CBX5: variants seen among roughly 807,000 people sequenced by gnomAD.
CBX5 encodes chromobox protein homolog 5.
CBX5 carries 7 observed loss-of-function variants against 20.7 expected under a neutral mutation model. That is an observed-to-expected ratio of 0.34 (90% CI 0.19 to 0.63). The LOEUF (loss-of-function observed/expected upper bound fraction) is 0.63, where lower values mean the gene tolerates loss of function less well. Ranked by LOEUF, CBX5 falls within the 30% of genes least tolerant of loss-of-function variation. The probability of loss-of-function intolerance (pLI) is 0.75; values close to 1 mark genes in which losing one functional copy is unlikely to be tolerated. For synonymous variants in CBX5, 78 were observed against 77.0 expected (o/e 1.01, Z -0.07); for missense variants, 110 against 224.1 (o/e 0.49, Z 3.25).
intron 1 of CBX5, chr12:54,258,025 A>AT (rs2137022087): frequency 5.9e-6 from 1 of 170,244 alleles, no homozygotes; most frequent in East Asian, 1.6e-4. Flanking sequence ...TCAAACAGAA[A>AT]TGTGCAAAAT....
chr12:54,271,634 T>C (rs900759268), intron 1 of CBX5, among the ~76,000 whole-genome samples: 1 of 152,250 alleles, frequency 6.6e-6, no homozygotes, highest in African/African-American at 2.4e-5. Flanking sequence ...TGTTACTTCA[T>C]TTCTGTTTTC....
Position 54,232,784 on chromosome 12 carries a change from A to G in CBX5, c.*8971T>C, listed in dbSNP as rs1013153033. ...TCATGTTATAGATGTTTTGAAAATA[A>G]AATTACATCTTTAACATTAAGGACA... On this transcript the variant is annotated 3_prime_UTR_variant, in exon 5 of 5. Coordinates refer to ENST00000209875, the MANE Select transcript of CBX5 (RefSeq NM_012117.3). The G allele has an allele frequency of 2.0e-5, 3 of 152,116 alleles. No homozygotes were observed. The highest frequency in any genetic ancestry group is 4.4e-5 in the Non-Finnish European group (3 of 68,034). 9.4% of individuals were successfully genotyped at this position (152,116 alleles called of 1,614,324 possible). A position where few individuals can be genotyped will look rare whatever the true frequency, so the allele number is the denominator to read the frequency against.
intron 3 of CBX5, among the ~76,000 whole-genome samples, chr12:54,251,184 G>A (rs1351027753): frequency 6.6e-6 from 1 of 151,586 alleles, no homozygotes; most frequent in Non-Finnish European, 1.5e-5. Context: ...GCCCCGGCTG[G>A]GCATGGTGGC....
chr12:54,244,167 A>G (rs1943708742), intron 4 of CBX5, among the ~76,000 whole-genome samples: 1 of 140,100 alleles, frequency 7.1e-6, no homozygotes, highest in Non-Finnish European at 1.6e-5. Flanking sequence ...AAGCCTGGCT[A>G]TTTTTTTTTT....
Position 54,234,565 on chromosome 12 carries a change from T to C in CBX5, c.*7190A>G, listed in dbSNP as rs1403070139. The C allele has an allele frequency of 2.6e-5, 4 of 152,256 alleles. No homozygotes were observed. The highest frequency in any genetic ancestry group is 2.6e-4 in the Admixed American group (4 of 15,276). 9.4% of individuals were successfully genotyped at this position (152,256 alleles called of 1,614,324 possible). A position where few individuals can be genotyped will look rare whatever the true frequency, so the allele number is the denominator to read the frequency against. ...TCCTATTAGATTTTCCGATTAATAC[T>C]GATGGCTCTTACCTAGGCTGTGATA... On this transcript the variant is annotated 3_prime_UTR_variant, in exon 5 of 5. Coordinates refer to ENST00000209875, the MANE Select transcript of CBX5 (RefSeq NM_012117.3).
chr12:54,268,616 T>A (rs1417121335), intron 1 of CBX5, among the ~76,000 whole-genome samples: 2 of 152,208 alleles, frequency 1.3e-5, no homozygotes, highest in Non-Finnish European at 2.9e-5. Context: ...ATGAGATATT[T>A]ATTGAGGGCC....
At chr12:54,241,985 G>T in intron 4 of CBX5, 80 bp from the exon 5 acceptor site, 3 of 1,357,032 alleles carry the variant, frequency 2.2e-6, no homozygotes, top group Non-Finnish European at 2.0e-6. Context: ...GTCATTATAT[G>T]GATTTAGTTG....
rs570693702 is a variant in CBX5, at chr12:54,242,330, C to G, written c.426-425G>C. Among the ~76,000 whole-genome samples the G allele has an allele frequency of 9.2e-5, 14 of 151,768 alleles. No individual in the cohort carries two copies. In the Middle Eastern group the frequency reaches 0.017, roughly 184 times the overall value. On this transcript the variant is annotated intron_variant, in intron 4 of 4. Transcript: ENST00000209875. The stretch of plus-strand genomic sequence containing the variant: ...CACGAGGTCAGGAGATCGAGACCAT[C>G]CTGGCTCACACGGTGAAACCCCGAC...
rs1199051368 is a variant in CBX5 at position 54,233,353 on chromosome 12, C to T, written c.*8402G>A. ...GATTCTGGTAGAAATCATTATGTCT[C>T]TTATCCTAAACTGAGGAGGTGAGGG... On this transcript the variant is annotated 3_prime_UTR_variant, in exon 5 of 5. Transcript: ENST00000209875. 1 of 152,180 alleles carries T rather than the reference C, an allele frequency of 6.6e-6. No individual in the cohort carries two copies. The highest frequency in any genetic ancestry group is 1.5e-5 in the Non-Finnish European group (1 of 68,026). The allele number at this position is 152,180 out of a possible 1,614,324, so 9.4% of individuals were successfully genotyped here.
intron 1 of CBX5, among the ~76,000 whole-genome samples, chr12:54,264,687 A>G (rs1364780891): frequency 6.6e-6 from 1 of 152,098 alleles, no homozygotes; most frequent in Non-Finnish European, 1.5e-5. Flanking sequence ...TACTAAAAAT[A>G]CAAAAATTAG....
chr12:54,243,609 C>T (rs985020800), intron 4 of CBX5, among the ~76,000 whole-genome samples: 16 of 151,250 alleles, frequency 1.1e-4, no homozygotes, highest in African/African-American at 3.6e-4. Context: ...TGGCTCATAC[C>T]TGTAATCCCA....
intron 3 of CBX5, among the ~76,000 whole-genome samples, chr12:54,247,246 AAGAAAACAAAAAC>A (rs1325566317): frequency 3.5e-5 from 4 of 113,784 alleles, no homozygotes; most frequent in African/African-American, 1.7e-4. Context: ...ACAAACAAAA[AAGAAAACAAAAAC>A]AAAAAACTGG....
At chr12:54,245,940 C>T (rs1399869071) in intron 4 of CBX5, among the ~76,000 whole-genome samples, 175 bp downstream of exon 4, 1 of 152,162 alleles carries the variant, frequency 6.6e-6, no homozygotes, top group Non-Finnish European at 1.5e-5. Flanking sequence ...TGAGATCGCA[C>T]CACTGTACTC....
chr12:54,266,599 G>A (rs879861186), intron 1 of CBX5, among the ~76,000 whole-genome samples: 21 of 151,954 alleles, frequency 1.4e-4, no homozygotes, highest in African/African-American at 2.7e-4. Context: ...TCTAAATGAC[G>A]ATAAAGGCTG....
rs189795255 is a variant in CBX5, at chr12:54,239,551, T to A, written c.*2204A>T. ...TATCCTTGGCTACATTTATGATAAA[T>A]GTTTCCTGACCATCCTTTCCTTCTT... On this transcript the variant is annotated 3_prime_UTR_variant, in exon 5 of 5. Coordinates refer to ENST00000209875, the MANE Select transcript of CBX5 (RefSeq NM_012117.3). 1 of 152,324 alleles carries A rather than the reference T, an allele frequency of 6.6e-6. No individual in the cohort carries two copies. The highest frequency in any genetic ancestry group is 1.9e-4 in the East Asian group (1 of 5,180). The allele number at this position is 152,324 out of a possible 1,614,324, so 9.4% of individuals were successfully genotyped here.
chr12:54,246,755 T>C (rs1943739469), intron 3 of CBX5, among the ~76,000 whole-genome samples: 1 of 127,214 alleles, frequency 7.9e-6, no homozygotes, highest in Non-Finnish European at 1.6e-5. Flanking sequence ...CATTCCAGCC[T>C]GGGCAACATA....
chr12:54,246,006 T>A, intron 4 of CBX5, 109 bp downstream of exon 4: 1 of 779,632 alleles, frequency 1.3e-6, no homozygotes, highest in Non-Finnish European at 2.2e-6. Flanking sequence ...ATCTCTGACA[T>A]TCAAAATTCA....
chr12:54,259,566 G>C (rs1005358851), intron 1 of CBX5: 4 of 152,714 alleles, frequency 2.6e-5, no homozygotes, highest in Admixed American at 2.6e-4. Context: ...TCCCCTCCCA[G>C]GTCTGGGTCT....
At chr12:54,278,388 T>C (rs879434247) in intron 1 of CBX5, among the ~76,000 whole-genome samples, 3 of 151,586 alleles carry the variant, frequency 2.0e-5, no homozygotes, top group African/African-American at 4.9e-5. Flanking sequence ...TACCTACAAA[T>C]AGGTTTACAG....
Sources: allele counts gnomAD v4.1 joint callset (sites outside exome capture counted in the v4.1 genomes callset), GRCh38; gene constraint gnomAD v4.1.1; transcripts MANE v1.5; gene names NCBI Gene and HGNC (gene_info 2026-07-23, HGNC 2026-07-21).